BRINP3: variants seen among roughly 807,000 people sequenced by gnomAD.
The protein encoded by BRINP3 is BMP/retinoic acid inducible neural specific 3, also known as BMP/retinoic acid-inducible neural-specific protein 3.
In BRINP3, 19 loss-of-function variants were observed where a neutral mutation model predicts 71.0. The observed-to-expected ratio is 0.27, with a 90% confidence interval of 0.19 to 0.39. The LOEUF (loss-of-function observed/expected upper bound fraction) is 0.39, where lower values mean the gene tolerates loss of function less well. Among genes scored for constraint, BRINP3 ranks in the 10% least tolerant of loss-of-function variants. The pLI is 1.00. For missense variants in BRINP3, 959 were observed against 940.8 expected (o/e 1.02, Z -0.25); for synonymous variants, 380 against 337.7 (o/e 1.13, Z -1.37).
intron 5 of BRINP3, among the ~76,000 whole-genome samples, chr1:190,233,008 T>A (rs536530282): frequency 1.5e-4 from 23 of 152,300 alleles, no homozygotes; most frequent in African/African-American, 5.5e-4. Context: ...ATTGTTAAAG[T>A]ATTTAAGAAC....
At chr1:190,181,823 C>A (rs993211572) in intron 6 of BRINP3, among the ~76,000 whole-genome samples, 5 of 151,696 alleles carry the variant, frequency 3.3e-5, no homozygotes, top group Non-Finnish European at 7.4e-5. Context: ...TTTTATTTAC[C>A]CATTTTTGTT....
intron 2 of BRINP3, among the ~76,000 whole-genome samples, chr1:190,329,713 C>T (rs1201378926): frequency 6.6e-6 from 1 of 151,880 alleles, no homozygotes; most frequent in East Asian, 1.9e-4. Context: ...GCACAAAGAA[C>T]AAAGTCAGCG....
intron 2 of BRINP3, among the ~76,000 whole-genome samples, chr1:190,400,321 AC>A (rs1445718252): frequency 6.6e-6 from 1 of 152,166 alleles, no homozygotes; most frequent in Non-Finnish European, 1.5e-5. Flanking sequence ...AAGTCACAAA[AC>A]AATATTGAAA....
intron 2 of BRINP3, among the ~76,000 whole-genome samples, chr1:190,381,573 C>T (rs1034307071): frequency 2.0e-5 from 3 of 152,076 alleles, no homozygotes; most frequent in Non-Finnish European, 2.9e-5. Context: ...TTTAATTGGT[C>T]ATCTCAATGA....
chr1:190,265,740 A>T (rs566878349), intron 3 of BRINP3, among the ~76,000 whole-genome samples: 4 of 151,756 alleles, frequency 2.6e-5, no homozygotes, highest in Non-Finnish European at 5.9e-5. Context: ...AATAAATAAA[A>T]AGAAAGAAAT....
chr1:190,309,114 C>T (rs554097658), intron 2 of BRINP3, among the ~76,000 whole-genome samples: 1 of 151,712 alleles, frequency 6.6e-6, no homozygotes, highest in East Asian at 1.9e-4. Flanking sequence ...TATTCAGCCT[C>T]GAAAGTATGT....
chr1:190,178,265 T>A (rs1321995725), intron 6 of BRINP3, among the ~76,000 whole-genome samples: 1 of 152,154 alleles, frequency 6.6e-6, no homozygotes, highest in Non-Finnish European at 1.5e-5. Flanking sequence ...CATAGATGAC[T>A]GCTTTGGTAC....
intron 2 of BRINP3, among the ~76,000 whole-genome samples, chr1:190,416,724 A>T (rs1387630688): frequency 6.6e-6 from 1 of 152,172 alleles, no homozygotes; most frequent in Non-Finnish European, 1.5e-5. Context: ...TATTATCTAA[A>T]TAATACTATC....
chr1:190,241,473 C>A (rs1390796893), intron 4 of BRINP3, among the ~76,000 whole-genome samples: 1 of 152,010 alleles, frequency 6.6e-6, no homozygotes. Context: ...AATTCTCTCT[C>A]TCTCTCTCTC....
intron 4 of BRINP3, among the ~76,000 whole-genome samples, chr1:190,241,714 G>A (rs367702759): frequency 6.6e-6 from 1 of 151,708 alleles, no homozygotes; most frequent in African/African-American, 2.4e-5. Flanking sequence ...CTTCCCACTA[G>A]GATTGTGAAG....
intron 1 of BRINP3, among the ~76,000 whole-genome samples, chr1:190,469,156 C>G (rs1375936438): frequency 1.3e-5 from 2 of 150,890 alleles, no homozygotes. Flanking sequence ...ATTACACTTT[C>G]TAGTTGTTGG....
chr1:190,346,977 C>A (rs1423988760), intron 2 of BRINP3, among the ~76,000 whole-genome samples: 1 of 151,928 alleles, frequency 6.6e-6, no homozygotes, highest in Non-Finnish European at 1.5e-5. Flanking sequence ...TTCATTAAAT[C>A]ATTTTTACAG....
chr1:190,265,032 C>T lies in BRINP3; in HGVS notation c.451G>A (p.Val151Met). 6.2e-7 allele frequency: 1 copy of T among 1,606,308 alleles called. No homozygotes were observed. Among genetic ancestry groups the T allele is most frequent in the Non-Finnish European group, 8.5e-7 (1 of 1,177,404 alleles). ...LGGEESLTIF[V>M]DKRKLSKRAE... ...CGTTTGCTCAACTTCCGCTTGTCCA[C>T]AAAAATTGTGAGTGACTCCTCTCCT... Residue 151 changes from valine (V) to methionine (M), a missense_variant, in exon 4 of 8, where the codon GTG becomes ATG. Val to Met is a conservative substitution (Grantham distance 21, BLOSUM62 1). Coordinates refer to ENST00000367462, the MANE Select transcript of BRINP3 (RefSeq NM_199051.3).
intron 2 of BRINP3, among the ~76,000 whole-genome samples, chr1:190,336,023 CT>C (rs1435637730): frequency 6.6e-6 from 1 of 151,992 alleles, no homozygotes; most frequent in African/African-American, 2.4e-5. Context: ...GCATTTCCGT[CT>C]TTTGGAATAC....
chr1:190,311,153 AG>A (rs1665490243), intron 2 of BRINP3, among the ~76,000 whole-genome samples: 1 of 151,762 alleles, frequency 6.6e-6, no homozygotes, highest in South Asian at 2.1e-4. Flanking sequence ...AGCAAGCACA[AG>A]GTCCCATGTG....
In BRINP3 at chr1:190,149,658, T is replaced by C. The variant is rs139930846; in HGVS notation, c.1184+11010A>G. The stretch of plus-strand genomic sequence containing the variant: ...GTGTGTGTGTGTGTGTGTGTGTGTA[T>C]GTGAGAGAGAGAGACCTGGTAGAAT... On this transcript the variant is annotated intron_variant, in intron 7 of 7. Transcript: ENST00000367462. Among the ~76,000 whole-genome samples the C allele has an allele frequency of 9.3e-5, 14 of 150,478 alleles. No homozygotes were observed. In the East Asian group the frequency reaches 2.7e-3, roughly 30 times the overall value.
chr1:190,400,954 T>C (rs781427825), intron 2 of BRINP3, among the ~76,000 whole-genome samples: 6 of 152,300 alleles, frequency 3.9e-5, no homozygotes, highest in Non-Finnish European at 8.8e-5. Context: ...ATGTCAGCTA[T>C]AGGAAGAGGA....
At chr1:190,171,133 A>C (rs1310225557) in intron 6 of BRINP3, among the ~76,000 whole-genome samples, 1 of 152,098 alleles carries the variant, frequency 6.6e-6, no homozygotes, top group African/African-American at 2.4e-5. Context: ...ATCTCAGAGG[A>C]GGGATTTTTA....
intron 2 of BRINP3, among the ~76,000 whole-genome samples, chr1:190,431,449 C>T (rs1674094779): frequency 6.6e-6 from 1 of 152,072 alleles, no homozygotes; most frequent in Non-Finnish European, 1.5e-5. Context: ...AACTTCATCC[C>T]TGGGTGAAGC....
Sources: allele counts gnomAD v4.1 joint callset (sites outside exome capture counted in the v4.1 genomes callset), GRCh38; gene constraint gnomAD v4.1.1; transcripts MANE v1.5; gene names NCBI Gene and HGNC (gene_info 2026-07-23, HGNC 2026-07-21).